The following SPEF2 variants were observed in gnomAD, a reference collection of about 807,000 sequenced individuals.
The protein encoded by SPEF2 is sperm flagella and cilia-associated protein 2.
In SPEF2, 187 loss-of-function variants were observed where a neutral mutation model predicts 224.6. The observed-to-expected ratio is 0.83, with a 90% CI of 0.74 to 0.94. The LOEUF (loss-of-function observed/expected upper bound fraction) is 0.94, where lower values mean the gene tolerates loss of function less well. SPEF2 is among the 40% of genes least tolerant of loss of function. SPEF2 has a pLI of 0.00. For missense variants in SPEF2, 2,170 were observed against 2,135.6 expected (o/e 1.02, Z -0.32); for synonymous variants, 715 against 707.3 (o/e 1.01, Z -0.17).
intron 30 of SPEF2, chr5:35,790,178 G>C: frequency 1.4e-6 from 1 of 701,308 alleles, no homozygotes. Flanking sequence ...AATGGACCAA[G>C]TCACATATGC....
At chr5:35,742,289 C>G (rs1747769813) in intron 23 of SPEF2, among the ~76,000 whole-genome samples, 1 of 152,088 alleles carries the variant, frequency 6.6e-6, no homozygotes, top group Admixed American at 6.5e-5. Context: ...AAAATTTCAT[C>G]CAGCTAACTG....
intron 1 of SPEF2, 24 bp from the exon 2 acceptor site, chr5:35,628,436 T>C (rs1744580212): frequency 1.3e-6 from 2 of 1,507,936 alleles, no homozygotes; most frequent in Admixed American, 3.4e-5. Flanking sequence ...TTCATGGTTT[T>C]TATCTCAATG....
intron 1 of SPEF2, 151 bp downstream of exon 1, chr5:35,618,206 ACTCGG>A: frequency 1.2e-6 from 1 of 823,136 alleles, no homozygotes; most frequent in African/African-American, 1.7e-5. Context: ...ACAGTGAGCA[ACTCGG>A]CTCGGCGGTG....
intron 28 of SPEF2, among the ~76,000 whole-genome samples, chr5:35,775,470 C>G (rs1166643836): frequency 6.6e-6 from 1 of 151,902 alleles, no homozygotes; most frequent in Non-Finnish European, 1.5e-5. Context: ...TAGCTTAGGA[C>G]CATGAGGCAT....
intron 27 of SPEF2, 46 bp from the exon 28 acceptor site, chr5:35,773,847 C>A: frequency 1.9e-6 from 3 of 1,588,576 alleles, no homozygotes; most frequent in Non-Finnish European, 2.6e-6. Flanking sequence ...ATGTGCACAC[C>A]TTTGTATTTT....
chr5:35,778,531 T>C (rs940050918), intron 29 of SPEF2, among the ~76,000 whole-genome samples: 3 of 152,168 alleles, frequency 2.0e-5, no homozygotes, highest in African/African-American at 4.8e-5. Context: ...AGCTAGGAAT[T>C]GTTATTCTTC....
chr5:35,765,168 G>A (rs987069386), intron 26 of SPEF2, among the ~76,000 whole-genome samples: 7 of 152,066 alleles, frequency 4.6e-5, no homozygotes, highest in African/African-American at 1.7e-4. Context: ...AAACACTGAT[G>A]TGTAGTTTTC....
At position 35,646,680 on chromosome 5, in the gene SPEF2, G is replaced by T; in HGVS notation, c.599G>T (p.Arg200Ile). 6.2e-7 allele frequency: 1 copy of T among 1,613,488 alleles called. No individual in the cohort carries two copies. The highest frequency in any genetic ancestry group is 8.5e-7 in the Non-Finnish European group (1 of 1,179,720). ...TGGGATATTCAGCAATACTTAAACA[G>T]AAGACGACAAAATGAAATAATGGCC... ...CFDIEKQYLN[R>I]RRQNEIMAKI... Residue 200 changes from arginine to isoleucine, a missense_variant, in exon 5 of 37, where the codon AGA becomes ATA. Transcript: ENST00000356031.
intron 34 of SPEF2, among the ~76,000 whole-genome samples, chr5:35,803,981 G>T (rs1240199722): frequency 6.6e-6 from 1 of 152,230 alleles, no homozygotes; most frequent in African/African-American, 2.4e-5. Context: ...TTAAATAAAT[G>T]ACATTTGGGA....
intron 14 of SPEF2, among the ~76,000 whole-genome samples, chr5:35,696,314 T>C (rs1755313329): frequency 6.6e-6 from 1 of 152,182 alleles, no homozygotes; most frequent in Non-Finnish European, 1.5e-5. Context: ...TTTTTTATTA[T>C]GCATCTCATC....
chr5:35,660,769 C>A (rs2149452402), intron 8 of SPEF2, among the ~76,000 whole-genome samples: 1 of 152,268 alleles, frequency 6.6e-6, no homozygotes, highest in South Asian at 2.1e-4. Context: ...ATTTCACAAG[C>A]TCAGCTAAAT....
At position 35,727,568 on chromosome 5, in the gene SPEF2, A is replaced by T. The variant is rs1461602039; in HGVS notation, c.2915-107A>T. ...GACTCCTCAAAAAAGCTTAAAAAGTAGTTAATGAATCACCTGAAGTCCATG... is the reference window on the plus strand; with the variant it reads ...GACTCCTCAAAAAAGCTTAAAAAGTTGTTAATGAATCACCTGAAGTCCATG... On this transcript the variant is annotated intron_variant, in intron 20 of 36. Transcript: ENST00000356031. 3 of 891,846 alleles carry T rather than the reference A, an allele frequency of 3.4e-6. No individual in the cohort carries two copies. The East Asian group carries it at 8.0e-5, about 24-fold the overall frequency. 55.2% of individuals were successfully genotyped at this position (891,846 alleles called of 1,614,324 possible). A position where few individuals can be genotyped will look rare whatever the true frequency, so the allele number is the denominator to read the frequency against.
intron 20 of SPEF2, among the ~76,000 whole-genome samples, chr5:35,721,619 G>T (rs549484550): frequency 6.6e-6 from 1 of 152,164 alleles, no homozygotes; most frequent in Admixed American, 6.5e-5. Flanking sequence ...TTAAAGTCAC[G>T]TGAAGTGAAA....
chr5:35,778,477 G>A (rs939957925), intron 29 of SPEF2, among the ~76,000 whole-genome samples: 2 of 152,218 alleles, frequency 1.3e-5, no homozygotes, highest in African/African-American at 4.8e-5. Context: ...TCTTTCTACC[G>A]CATCATAGTG....
Position 35,763,053 on chromosome 5 carries a change from G to C in SPEF2, c.3621-469G>C, listed in dbSNP as rs1404453600. On this transcript the variant is annotated intron_variant, in intron 25 of 36. Coordinates refer to ENST00000356031, the MANE Select transcript of SPEF2 (RefSeq NM_024867.4). The stretch of plus-strand genomic sequence containing the variant: ...GAGGAGATCAGGTGTGTTCAATGTG[G>C]TATGGCCATGGACAGTCATGTCCTA... Among the ~76,000 whole-genome samples the C allele has an allele frequency of 2.0e-5, 3 of 152,172 alleles. No homozygotes were observed. The East Asian group carries it at 5.8e-4, about 29-fold the overall frequency.
intron 8 of SPEF2, among the ~76,000 whole-genome samples, chr5:35,661,462 G>A (rs1749739899): frequency 6.6e-6 from 1 of 150,978 alleles, no homozygotes; most frequent in African/African-American, 2.4e-5. Flanking sequence ...TATAAGTGCA[G>A]GTTTGTTACA....
rs373150903 is a variant in SPEF2 at position 35,759,685 on chromosome 5, C to G, written c.3586C>G (p.Leu1196Val). 1.4e-5 allele frequency: 23 copies of G among 1,604,764 alleles called. No individual in the cohort carries two copies. Among genetic ancestry groups the G allele is most frequent in the Non-Finnish European group, 2.0e-5 (23 of 1,173,780 alleles). Residue 1196 changes from leucine to valine, a missense_variant, in exon 25 of 37, where the codon CTG becomes GTG. Leu to Val is a conservative substitution (Grantham distance 32). Coordinates refer to ENST00000356031, the MANE Select transcript of SPEF2 (RefSeq NM_024867.4). ...KRFTRIPLVQ[L>V]DSKDNSESQL... ...ATTTACTCGAATCCCTTTGGTCCAA[C>G]TGGATAGTAAAGACAATTCTGAAAG...
At chr5:35,771,834 A>AT in intron 27 of SPEF2, 78 bp downstream of exon 27, 2 of 1,493,086 alleles carry the variant, frequency 1.3e-6, no homozygotes, top group Non-Finnish European at 1.8e-6. Context: ...AACTGGACAC[A>AT]TTATTAGCCT....
chr5:35,695,441 T>C (rs375558543), intron 13 of SPEF2, among the ~76,000 whole-genome samples: 37 of 152,178 alleles, frequency 2.4e-4, no homozygotes, highest in African/African-American at 8.7e-4. Context: ...CCCGACTGTG[T>C]TAAAGTATTC....
Sources: allele counts gnomAD v4.1 joint callset (sites outside exome capture counted in the v4.1 genomes callset), GRCh38; gene constraint gnomAD v4.1.1; transcripts MANE v1.5; gene names NCBI Gene and HGNC (gene_info 2026-07-23, HGNC 2026-07-21).